TTLL6: variants seen among roughly 807,000 people sequenced by gnomAD.
The protein encoded by TTLL6 is tubulin polyglutamylase TTLL6.
TTLL6 carries 75 observed loss-of-function variants against 96.4 expected under a neutral mutation model. The ratio of observed to expected loss-of-function variants is 0.78; its 90% CI spans 0.65 to 0.94. The LOEUF is 0.94. Among genes scored for constraint, TTLL6 ranks in the 40% least tolerant of loss-of-function variants. TTLL6 has a pLI of 0.00. For synonymous variants in TTLL6, 411 were observed against 419.4 expected (o/e 0.98, Z 0.24); for missense variants, 1,030 against 1,093.0 (o/e 0.94, Z 0.81).
intron 1 of TTLL6, among the ~76,000 whole-genome samples, chr17:48,814,795 C>A (rs2039644307): frequency 6.6e-6 from 1 of 152,164 alleles, no homozygotes; most frequent in South Asian, 2.1e-4. Context: ...ATCTTTCTTT[C>A]TTTCTTTCAA....
At chr17:48,783,551 C>T (rs989434226) in intron 13 of TTLL6, among the ~76,000 whole-genome samples, 2 of 151,958 alleles carry the variant, frequency 1.3e-5, no homozygotes, top group African/African-American at 4.8e-5. Flanking sequence ...GTTGTCTTAG[C>T]CTCCCAAGTA....
chr17:48,773,765 A>G (rs1310026214), intron 13 of TTLL6, among the ~76,000 whole-genome samples: 1 of 151,942 alleles, frequency 6.6e-6, no homozygotes, highest in Non-Finnish European at 1.5e-5. Context: ...AAAAGTCTTA[A>G]TAGTCTAAGG....
At chr17:48,788,546 A>T (rs2039153713) in intron 10 of TTLL6, among the ~76,000 whole-genome samples, 1 of 152,158 alleles carries the variant, frequency 6.6e-6, no homozygotes, top group Admixed American at 6.6e-5. Context: ...GAGGAGACTG[A>T]TTCGGAGAAG....
intron 2 of TTLL6, chr17:48,804,477 T>C: frequency 5.4e-6 from 3 of 555,784 alleles, no homozygotes; most frequent in Non-Finnish European, 6.8e-6. Context: ...ATCAGCGCCT[T>C]CTTAAAACAA....
chr17:48,784,250 C>T (rs1235795812), intron 13 of TTLL6, among the ~76,000 whole-genome samples: 1 of 152,008 alleles, frequency 6.6e-6, no homozygotes, highest in African/African-American at 2.4e-5. Context: ...ACAAAAAATA[C>T]AAAAATTAGC....
intron 13 of TTLL6, among the ~76,000 whole-genome samples, chr17:48,774,115 A>G (rs1414803457): frequency 3.4e-5 from 5 of 148,066 alleles, no homozygotes. Context: ...AAAAAAAACA[A>G]GAAAAGTAAA....
At chr17:48,781,948 C>T (rs2038994995) in intron 13 of TTLL6, among the ~76,000 whole-genome samples, 1 of 152,164 alleles carries the variant, frequency 6.6e-6, no homozygotes, top group Non-Finnish European at 1.5e-5. Flanking sequence ...TTGCCAGCAC[C>T]TTGATCTTGG....
intron 1 of TTLL6, among the ~76,000 whole-genome samples, chr17:48,808,109 A>C (rs1201148233): frequency 1.3e-5 from 2 of 152,180 alleles, no homozygotes; most frequent in Non-Finnish European, 2.9e-5. Flanking sequence ...AAGTGCTGGG[A>C]TTACAGGCGT....
intron 13 of TTLL6, among the ~76,000 whole-genome samples, chr17:48,782,910 A>C (rs950586996): frequency 1.3e-5 from 2 of 151,826 alleles, no homozygotes; most frequent in African/African-American, 4.8e-5. Flanking sequence ...ACGGGGTTTC[A>C]TCATGTTGCC....
chr17:48,786,280 T>C lies in TTLL6; in HGVS notation c.1645A>G (p.Lys549Glu). Residue 549 changes from lysine (K) to glutamate (E), a missense_variant, in exon 12 of 16, where the codon AAG becomes GAG. Transcript: ENST00000393382. ...GATTCCCCCTGCATCTCTACCTTCT[T>C]CTTCATTTGGAAGGGCTTTTTCTCC... is the stretch of plus-strand genomic sequence containing the variant. ...KREKKPFQMK[K>E]KVEMQGESAG... The C allele has an allele frequency of 6.2e-7, 1 of 1,614,236 alleles. No individual in the cohort carries two copies. The highest frequency in any genetic ancestry group is 8.5e-7 in the Non-Finnish European group (1 of 1,180,054).
rs370528362 is a variant in TTLL6 at position 48,791,655 on chromosome 17, G to A, written c.999-52C>T. 301 of 1,482,568 alleles carry A rather than the reference G, an allele frequency of 2.0e-4. No individual in the cohort carries two copies. In the African/African-American group the frequency reaches 3.5e-3, roughly 17 times the overall value. The allele number at this position is 1,482,568 out of a possible 1,614,324, so 91.8% of individuals were successfully genotyped here. On this transcript the variant is annotated intron_variant, in intron 8 of 15. Coordinates refer to ENST00000393382, the MANE Select transcript of TTLL6 (RefSeq NM_001130918.3). Reference sequence around the variant, plus strand: ...CAGTGTAGCTGGCTTCTGGTCACCCGAGGCCATGGCATGCTGGAAACCAGA... The same window carrying A: ...CAGTGTAGCTGGCTTCTGGTCACCCAAGGCCATGGCATGCTGGAAACCAGA...
Position 48,801,556 on chromosome 17 carries a change from A to C in TTLL6, c.449T>G (p.Leu150Arg). The C allele has an allele frequency of 6.4e-7, 1 of 1,551,972 alleles. No homozygotes were observed. The highest frequency in any genetic ancestry group is 8.7e-7 in the Non-Finnish European group (1 of 1,147,024). Residue 150 changes from leucine to arginine, a missense_variant, in exon 4 of 16, where the codon CTG becomes CGG. By Grantham distance (102) the Leu-to-Arg change is moderately radical. Coordinates refer to ENST00000393382, the MANE Select transcript of TTLL6 (RefSeq NM_001130918.3). ...ACTTTTCATTTCCATCACCCGCTCC[A>C]GTGACACTGAGTAATCTGTCCAATA... ...TLYWTDYSVS[L>R]ERVMEMKSYQ...
intron 13 of TTLL6, among the ~76,000 whole-genome samples, chr17:48,773,001 C>T (rs1364095132): frequency 1.3e-5 from 1 of 74,968 alleles, no homozygotes; most frequent in African/African-American, 6.1e-5. Context: ...GAGACCCTGT[C>T]TCAAAAAAAT....
chr17:48,815,379 T>G (rs2039654479), intron 1 of TTLL6: 1 of 152,188 alleles, frequency 6.6e-6, no homozygotes, highest in African/African-American at 2.4e-5. Context: ...GAAGCATCCC[T>G]CTGAAGGCCT....
At chr17:48,775,605 G>A (rs563354098) in intron 13 of TTLL6, among the ~76,000 whole-genome samples, 14 of 151,514 alleles carry the variant, frequency 9.2e-5, no homozygotes, top group East Asian at 3.9e-4. Flanking sequence ...GCAATGGCAC[G>A]ATCTTGGCTC....
In TTLL6 at chr17:48,787,934, T is replaced by G; in HGVS notation, c.1466A>C (p.Asn489Thr). 2 of 1,614,140 alleles carry G rather than the reference T, an allele frequency of 1.2e-6. No homozygotes were observed. Among genetic ancestry groups the G allele is most frequent in the Non-Finnish European group, 1.7e-6 (2 of 1,180,016 alleles). ...ATAAATCAGTCGGAACCCTCCACAG[T>G]TTTCCTTCTCATACGTTTCAGTTTT... ...LKKTETYEKE[N>T]CGGFRLIYPS... The change falls in exon 11 of 16, where the codon AAC (asparagine) becomes ACC (threonine). Residue 489 changes from asparagine (N) to threonine (T), a missense_variant. Physicochemically the swap from Asn to Thr is moderately conservative, Grantham distance 65. Coordinates refer to ENST00000393382, the MANE Select transcript of TTLL6 (RefSeq NM_001130918.3).
At chr17:48,771,649 G>A (rs1235961129) in intron 13 of TTLL6, among the ~76,000 whole-genome samples, 1 of 146,118 alleles carries the variant, frequency 6.8e-6, no homozygotes, top group Non-Finnish European at 1.5e-5. Flanking sequence ...TATATAAAAT[G>A]TGTATATATA....
intron 13 of TTLL6, among the ~76,000 whole-genome samples, chr17:48,778,366 G>T (rs1286176312): frequency 6.6e-6 from 1 of 151,550 alleles, no homozygotes; most frequent in Non-Finnish European, 1.5e-5. Context: ...AGCTATACAA[G>T]AAAAATTGAT....
chr17:48,773,808 TG>T (rs2143218526), intron 13 of TTLL6, among the ~76,000 whole-genome samples: 1 of 150,670 alleles, frequency 6.6e-6, no homozygotes, highest in South Asian at 2.1e-4. Flanking sequence ...AGTGGCTGGG[TG>T]GGGTGGCTTA....
Sources: allele counts gnomAD v4.1 joint callset (sites outside exome capture counted in the v4.1 genomes callset), GRCh38; gene constraint gnomAD v4.1.1; transcripts MANE v1.5; gene names NCBI Gene and HGNC (gene_info 2026-07-23, HGNC 2026-07-21).